Variants in DENND1A observed in about 807,000 individuals in gnomAD.
DENND1A encodes the protein DENN domain containing 1A, also known as DENN domain-containing protein 1A.
A neutral mutation model predicts 113.7 loss-of-function variants in DENND1A; 51 were observed. The observed-to-expected ratio is 0.45, with a 90% CI of 0.36 to 0.57. DENND1A has a LOEUF of 0.57. DENND1A is among the 20% of genes least tolerant of loss of function. The pLI, the probability that DENND1A is intolerant of heterozygous loss-of-function variation, is 0.00. For synonymous variants in DENND1A, 565 were observed against 570.8 expected, an observed-to-expected ratio of 0.99 and a Z score of 0.14; for missense variants, 1,258 against 1,395.9, an observed-to-expected ratio of 0.90 and a Z score of 1.57.
At chr9:123,424,238 A>C (rs938441220) in intron 19 of DENND1A, among the ~76,000 whole-genome samples, 1 of 152,164 alleles carries the variant, frequency 6.6e-6, no homozygotes, top group Admixed American at 6.5e-5. Flanking sequence ...TCAATCCTGC[A>C]CACCCCAAGG....
At chr9:123,818,591 G>A (rs1207433226) in intron 2 of DENND1A, among the ~76,000 whole-genome samples, 5 of 146,288 alleles carry the variant, frequency 3.4e-5, no homozygotes, top group African/African-American at 1.0e-4. Context: ...TATAAAATGA[G>A]ATCTTGGAAT....
chr9:123,738,973 A>G (rs959156698), intron 5 of DENND1A, among the ~76,000 whole-genome samples: 2 of 152,240 alleles, frequency 1.3e-5, no homozygotes, highest in South Asian at 2.1e-4. Context: ...ACAAGCATGC[A>G]TATGTACATA....
chr9:123,611,286 C>A (rs1480919037), intron 10 of DENND1A, among the ~76,000 whole-genome samples: 3 of 152,116 alleles, frequency 2.0e-5, no homozygotes, highest in African/African-American at 7.2e-5. Flanking sequence ...AACTGTAAAC[C>A]ATTAGTTTAG....
chr9:123,406,244 C>G (rs921522857), intron 20 of DENND1A, among the ~76,000 whole-genome samples: 5 of 152,180 alleles, frequency 3.3e-5, no homozygotes, highest in Non-Finnish European at 5.9e-5. Context: ...TGATCTCAGA[C>G]AGGTTTGGCA....
At chr9:123,669,984 A>T (rs1208808803) in intron 7 of DENND1A, among the ~76,000 whole-genome samples, 2 of 152,116 alleles carry the variant, frequency 1.3e-5, no homozygotes, top group Non-Finnish European at 2.9e-5. Flanking sequence ...TAACTACACG[A>T]CCTTGGAAGG....
At chr9:123,693,494 T>C (rs2065303177) in intron 5 of DENND1A, among the ~76,000 whole-genome samples, 1 of 152,106 alleles carries the variant, frequency 6.6e-6, no homozygotes, top group Non-Finnish European at 1.5e-5. Context: ...CAACCACTGA[T>C]CTCTTTCCTA....
chr9:123,884,662 C>T (rs559152947), intron 1 of DENND1A, among the ~76,000 whole-genome samples: 2 of 152,220 alleles, frequency 1.3e-5, no homozygotes, highest in South Asian at 4.1e-4. Flanking sequence ...TTACTGCTTC[C>T]TATGTGCCAG....
At chr9:123,568,418 A>C (rs1422442677) in intron 12 of DENND1A, among the ~76,000 whole-genome samples, 2 of 152,236 alleles carry the variant, frequency 1.3e-5, no homozygotes, top group Non-Finnish European at 2.9e-5. Flanking sequence ...GTAGGGGCCT[A>C]ATCGATGGTG....
chr9:123,516,684 G>A (rs1242513033), intron 13 of DENND1A, among the ~76,000 whole-genome samples: 1 of 151,792 alleles, frequency 6.6e-6, no homozygotes, highest in Admixed American at 6.6e-5. Flanking sequence ...TCAGGAGATC[G>A]AGACTATCCT....
intron 10 of DENND1A, among the ~76,000 whole-genome samples, chr9:123,616,499 C>T (rs748813407): frequency 3.3e-5 from 5 of 151,924 alleles, no homozygotes; most frequent in Admixed American, 6.6e-5. Flanking sequence ...CTGTTCTAAG[C>T]GGGATTTAAG....
chr9:123,526,153 G>GCACACACCTGCACATGTGCACACACA (rs2054822017), intron 13 of DENND1A, among the ~76,000 whole-genome samples: 1 of 140,044 alleles, frequency 7.1e-6, no homozygotes, highest in Non-Finnish European at 1.6e-5. Flanking sequence ...GCACACACAT[G>GCACACACCTGCACATGTGCACACACA]CACACACCTG....
rs752404263 is a variant in DENND1A at position 123,480,613 on chromosome 9, C to T, written c.994-22716G>A. On this transcript the variant is annotated intron_variant, in intron 13 of 23. Transcript: ENST00000394215. ...AGCTGTCCCTGCCCCCATAGCCATC[C>T]CTCTTGGGGTCTTCCTCTGGGGTCC... 7.8e-4 allele frequency among the ~76,000 whole-genome samples: 118 copies of T among 152,132 alleles called. 2 individuals are homozygous for T. The highest frequency in any genetic ancestry group is 3.7e-4 in the Non-Finnish European group (25 of 68,018).
chr9:123,587,661 C>T (rs1315726232), intron 11 of DENND1A, among the ~76,000 whole-genome samples: 2 of 152,210 alleles, frequency 1.3e-5, no homozygotes, highest in African/African-American at 2.4e-5. Context: ...CCTGACTGCA[C>T]GTCCATTCAT....
At chr9:123,544,493 A>G (rs750950330) in intron 13 of DENND1A, among the ~76,000 whole-genome samples, 6 of 152,364 alleles carry the variant, frequency 3.9e-5, no homozygotes, top group Non-Finnish European at 8.8e-5. Context: ...CACATGTAAT[A>G]TGAACCACAT....
intron 18 of DENND1A, among the ~76,000 whole-genome samples, chr9:123,450,249 TATGCTGTGTCTGGGCGGTGGCCACGTGC>T (rs1013112505): frequency 7.9e-5 from 12 of 152,160 alleles, no homozygotes; most frequent in African/African-American, 2.7e-4. Flanking sequence ...CCCCACCCCC[TATGCTGTGTCTGGGCGGTGGCCACGTGC>T]ATGCTGGACC....
intron 8 of DENND1A, among the ~76,000 whole-genome samples, chr9:123,663,529 G>A (rs930185748): frequency 6.6e-6 from 1 of 151,922 alleles, no homozygotes; most frequent in South Asian, 2.1e-4. Flanking sequence ...ATGTCCCATG[G>A]CATTTTAAAA....
At chr9:123,696,524 T>C in intron 5 of DENND1A, among the ~76,000 whole-genome samples, 1 of 152,160 alleles carries the variant, frequency 6.6e-6, no homozygotes. Context: ...AATAAAGCAT[T>C]ACAACTGGGG....
At chr9:123,779,553 G>A (rs534589411) in intron 3 of DENND1A, among the ~76,000 whole-genome samples, 1 of 152,286 alleles carries the variant, frequency 6.6e-6, no homozygotes, top group Admixed American at 6.5e-5. Flanking sequence ...ATGCTGGAGG[G>A]AAGTGGTGCA....
At chr9:123,535,032 T>A (rs185406199) in intron 13 of DENND1A, among the ~76,000 whole-genome samples, 188 of 152,222 alleles carry the variant, frequency 1.2e-3, no homozygotes, top group African/African-American at 4.3e-3. Flanking sequence ...TTCTTCTCTT[T>A]CCCTCATCGA....
Sources: allele counts gnomAD v4.1 joint callset (sites outside exome capture counted in the v4.1 genomes callset), GRCh38; gene constraint gnomAD v4.1.1; transcripts MANE v1.5; gene names NCBI Gene and HGNC (gene_info 2026-07-23, HGNC 2026-07-21).